Variants in RIPOR2 observed in about 807,000 individuals in gnomAD.
RIPOR2 encodes rho family-interacting cell polarization regulator 2.
In RIPOR2, 39 loss-of-function variants were observed where a neutral mutation model predicts 114.5. The ratio of observed to expected loss-of-function variants is 0.34; its 90% confidence interval spans 0.26 to 0.44. RIPOR2 has a LOEUF of 0.44. Among genes scored for constraint, RIPOR2 ranks in the 20% least tolerant of loss-of-function variants. The pLI, the probability that RIPOR2 is intolerant of heterozygous loss-of-function variation, is 1.00. For synonymous variants in RIPOR2, 445 were observed against 484.4 expected (o/e 0.92, Z 1.07); for missense variants, 1,007 against 1,255.1 (o/e 0.80, Z 2.99).
chr6:24,935,227 G>A (rs1020866983), intron 1 of RIPOR2, among the ~76,000 whole-genome samples: 1 of 149,356 alleles, frequency 6.7e-6, no homozygotes, highest in Admixed American at 6.8e-5. Context: ...AGAATGACTT[G>A]AACCCGGGAG....
At chr6:24,946,416 T>G (rs1772410932) in intron 1 of RIPOR2, among the ~76,000 whole-genome samples, 1 of 151,922 alleles carries the variant, frequency 6.6e-6, no homozygotes, top group African/African-American at 2.4e-5. Context: ...TCTGAAAAAT[T>G]ACATACCTTC....
At chr6:24,882,732 A>T (rs1766470851) in intron 1 of RIPOR2, among the ~76,000 whole-genome samples, 1 of 152,182 alleles carries the variant, frequency 6.6e-6, no homozygotes, top group Admixed American at 6.5e-5. Flanking sequence ...ATTTGAGCAT[A>T]TTGCATGCAA....
At chr6:24,957,676 A>G (rs1199339289) in intron 1 of RIPOR2, among the ~76,000 whole-genome samples, 1 of 152,184 alleles carries the variant, frequency 6.6e-6, no homozygotes, top group Non-Finnish European at 1.5e-5. Context: ...GATCGAGACC[A>G]TCCTGGCTAA....
intron 9 of RIPOR2, among the ~76,000 whole-genome samples, chr6:24,851,814 A>G (rs1762961193): frequency 6.6e-6 from 1 of 151,850 alleles, no homozygotes; most frequent in African/African-American, 2.4e-5. Context: ...ATGAACATAG[A>G]CTAATTCCAG....
chr6:24,808,940 A>G (rs1780951873), intron 21 of RIPOR2, among the ~76,000 whole-genome samples: 1 of 151,692 alleles, frequency 6.6e-6, no homozygotes, highest in Non-Finnish European at 1.5e-5. Context: ...TTGTATTTTT[A>G]GTAGATACAT....
chr6:24,847,428 CTG>C, intron 12 of RIPOR2: 1 of 1,109,542 alleles, frequency 9.0e-7, no homozygotes, highest in Non-Finnish European at 1.3e-6. Context: ...GACAGTACAG[CTG>C]TAACCATACC....
chr6:24,884,754 T>A (rs913821631), intron 1 of RIPOR2, among the ~76,000 whole-genome samples: 1 of 152,172 alleles, frequency 6.6e-6, no homozygotes, highest in Admixed American at 6.5e-5. Flanking sequence ...CAAAGCTTCA[T>A]CCAATCTAAC....
At chr6:24,952,602 G>C (rs127486) in intron 1 of RIPOR2, among the ~76,000 whole-genome samples, 10 of 152,212 alleles carry the variant, frequency 6.6e-5, no homozygotes. Context: ...AATAATAAAA[G>C]GTAGTAATGA....
intron 1 of RIPOR2, among the ~76,000 whole-genome samples, chr6:24,892,006 G>A (rs533382049): frequency 4.3e-4 from 65 of 152,150 alleles, no homozygotes; most frequent in Non-Finnish European, 4.4e-4. Context: ...CTATAGGTGC[G>A]TGCCGCCACC....
upstream of RIPOR2, among the ~76,000 whole-genome samples, chr6:24,939,614 A>G (rs1387914973): frequency 2.0e-5 from 3 of 152,232 alleles, no homozygotes; most frequent in African/African-American, 7.2e-5. Context: ...CTTCGAATCC[A>G]TATTAGAAAA....
chr6:24,905,725 T>G (rs929263622), intron 1 of RIPOR2, among the ~76,000 whole-genome samples: 7 of 152,226 alleles, frequency 4.6e-5, no homozygotes, highest in Admixed American at 4.6e-4. Flanking sequence ...TCCAGGAAAC[T>G]GTCACTTTGA....
At chr6:24,945,113 GT>G (rs1410709608) in intron 1 of RIPOR2, among the ~76,000 whole-genome samples, 2 of 151,596 alleles carry the variant, frequency 1.3e-5, no homozygotes, top group Non-Finnish European at 2.9e-5. Flanking sequence ...AATATCACAT[GT>G]ACCCCCAAAA....
At chr6:24,922,583 G>A (rs148581764) in intron 1 of RIPOR2, among the ~76,000 whole-genome samples, 1,604 of 152,172 alleles carry the variant, frequency 0.011, 13 homozygotes, top group Non-Finnish European at 0.015. Flanking sequence ...TAAGGGGCCA[G>A]GCACGGTGGC....
intron 1 of RIPOR2, among the ~76,000 whole-genome samples, chr6:24,941,339 T>C (rs71555170): frequency 0.057 from 8,612 of 151,596 alleles, 292 homozygotes; most frequent in East Asian, 0.11. Flanking sequence ...GTTAAAGGTA[T>C]GACTGCTGGG....
At position 24,838,934 on chromosome 6, in the gene RIPOR2, C is replaced by T. The variant is rs76060869; in HGVS notation, c.2039+157G>A. ...GTGAATAATATTGACCCTTTTATTG[C>T]ACTTGACAATAAAAAGGAACTGTAA... is the stretch of plus-strand genomic sequence containing the variant. On this transcript the variant is annotated intron_variant, in intron 14 of 21. Transcript: ENST00000643898. Among the ~76,000 whole-genome samples, 3,582 of 152,254 alleles carry T rather than the reference C, an allele frequency of 0.024. 158 individuals are homozygous for T. Among genetic ancestry groups the T allele is most frequent in the African/African-American group, 0.078 (3,250 of 41,526 alleles).
At chr6:25,030,898 G>C (rs866210705) in intron 1 of RIPOR2, 1 of 151,930 alleles carries the variant, frequency 6.6e-6, no homozygotes, top group African/African-American at 2.4e-5. Context: ...GGGTTTCTCC[G>C]TGTTTTCAGA....
intron 1 of RIPOR2, among the ~76,000 whole-genome samples, chr6:24,928,590 C>T (rs950220825): frequency 6.6e-6 from 1 of 152,198 alleles, no homozygotes; most frequent in Non-Finnish European, 1.5e-5. Flanking sequence ...GCTGCTCTTA[C>T]GCTGTTGCTG....
rs9358827 is a variant in RIPOR2 at position 25,037,444 on chromosome 6, G to C, written c.76+4407C>G. The stretch of plus-strand genomic sequence containing the variant: ...GCCCAGGCACCCACGGGCTGTTGCT[G>C]TGTCTATACTCCTCTTTACCTGGGC... On this transcript the variant is annotated intron_variant, in intron 1 of 13. Transcript: ENST00000510784. The surrounding 1 kb of genome is among the most constrained non-coding windows in gnomAD (Gnocchi z 4.5). 0.25 allele frequency among the ~76,000 whole-genome samples: 37,456 copies of C among 152,022 alleles called. 5,192 individuals carry two copies. The highest frequency in any genetic ancestry group is 0.36 in the Admixed American group (5,543 of 15,280).
intron 14 of RIPOR2, among the ~76,000 whole-genome samples, chr6:24,837,960 G>A (rs1399455661): frequency 6.6e-6 from 1 of 152,280 alleles, no homozygotes; most frequent in East Asian, 1.9e-4. Flanking sequence ...AAAGATGAGC[G>A]GGCAATCCAC....
Sources: allele counts gnomAD v4.1 joint callset (sites outside exome capture counted in the v4.1 genomes callset), GRCh38; gene constraint gnomAD v4.1.1; non-coding constraint Gnocchi (gnomAD v3.1); transcripts MANE v1.5; gene names NCBI Gene and HGNC (gene_info 2026-07-23, HGNC 2026-07-21).